Variants in RIC3 observed in about 807,000 individuals in gnomAD.
RIC3 encodes RIC3 acetylcholine receptor chaperone, also known as protein RIC-3.
RIC3 carries 28 observed loss-of-function variants against 27.3 expected under a neutral mutation model. That is an observed-to-expected ratio of 1.02 (90% CI 0.76 to 1.41). The LOEUF is 1.41. Among genes scored for constraint, RIC3 ranks in the 40% most tolerant of loss-of-function variants. The pLI, the probability that RIC3 is intolerant of heterozygous loss-of-function variation, is 0.00. For synonymous variants in RIC3, 184 were observed against 160.4 expected (o/e 1.15, Z -1.11); for missense variants, 501 against 444.7 (o/e 1.13, Z -1.14).
chr11:8,098,032 C>T, the RIC3 span, among the ~76,000 whole-genome samples: 2 of 152,152 alleles, frequency 1.3e-5, no homozygotes, highest in African/African-American at 4.8e-5. Context: ...CACACCCGAC[C>T]CCAAGCTGTT....
Position 8,110,303 on chromosome 11 carries a change from T to C in RIC3, c.*395A>G, listed in dbSNP as rs551299506. The stretch of plus-strand genomic sequence containing the variant: ...TCTTGGAGTCTGAAATCTTCATTCT[T>C]GCAACCTTAAGTCCTCATCATCTGT... On this transcript the variant is annotated 3_prime_UTR_variant, in exon 6 of 6. Transcript: ENST00000309737. 32 of 326,574 alleles carry C rather than the reference T, an allele frequency of 9.8e-5. No homozygotes were observed. Among genetic ancestry groups the C allele is most frequent in the Non-Finnish European group, 1.8e-4 (30 of 168,926 alleles). 20.2% of individuals were successfully genotyped at this position (326,574 alleles called of 1,614,324 possible).
At chr11:8,111,377 G>A (rs1239025165) in intron 5 of RIC3, among the ~76,000 whole-genome samples, 1 of 152,184 alleles carries the variant, frequency 6.6e-6, no homozygotes, top group Admixed American at 6.5e-5. Flanking sequence ...CTTATGTGTA[G>A]GGTGCTTGGG....
At position 8,114,887 on chromosome 11, in the gene RIC3, T is replaced by C. The variant is rs552534527; in HGVS notation, c.671-3750A>G. On this transcript the variant is annotated intron_variant, in intron 5 of 5. Coordinates refer to ENST00000309737, the MANE Select transcript of RIC3 (RefSeq NM_001206671.4). ...CAGCAGAACTGATTGAGCAAAAGAA[T>C]GAACCTTTGAATCTAAAGACAGATT... Among the ~76,000 whole-genome samples, 22 of 152,098 alleles carry C rather than the reference T, an allele frequency of 1.4e-4. No homozygotes were observed. The South Asian group carries it at 4.4e-3, about 30-fold the overall frequency.
At chr11:8,123,995 C>T (rs1048491179) in intron 5 of RIC3, among the ~76,000 whole-genome samples, 5 of 149,988 alleles carry the variant, frequency 3.3e-5, no homozygotes, top group Non-Finnish European at 1.5e-5. Flanking sequence ...TGCTTGAGCC[C>T]AGGAGATCAA....
chr11:8,095,008 G>A, the RIC3 span, among the ~76,000 whole-genome samples: 1 of 152,266 alleles, frequency 6.6e-6, no homozygotes, highest in South Asian at 2.1e-4. Context: ...GGGAAGGCGA[G>A]TGTATGCCAA....
At chr11:8,100,983 T>C in the RIC3 span, 3 of 1,614,126 alleles carry the variant, frequency 1.9e-6, no homozygotes, top group Non-Finnish European at 2.5e-6. Context: ...TTCCAGATCA[T>C]CCATGGCAAT....
the RIC3 span, among the ~76,000 whole-genome samples, chr11:8,093,461 T>C: frequency 1.3e-5 from 2 of 152,166 alleles, no homozygotes; most frequent in Non-Finnish European, 2.9e-5. Context: ...TTTGAGCAGA[T>C]TGGGGTTCTG....
At chr11:8,103,573 TGA>T (rs769412245), downstream of RIC3, 2 of 152,660 alleles carry the variant, frequency 1.3e-5, no homozygotes, top group Admixed American at 1.3e-4. Context: ...TACATCTCTG[TGA>T]GAGACCCCCT....
At chr11:8,137,240 T>C in intron 4 of RIC3, 138 bp downstream of exon 4, 1 of 689,432 alleles carries the variant, frequency 1.5e-6, no homozygotes, top group South Asian at 1.8e-5. Context: ...GTCAGGATGG[T>C]CTCAAACTCC....
chr11:8,155,046 T>G (rs1287890640), intron 1 of RIC3, among the ~76,000 whole-genome samples: 4 of 151,692 alleles, frequency 2.6e-5, no homozygotes, highest in Non-Finnish European at 5.9e-5. Context: ...TGGCAAGACC[T>G]CCTCTCTACG....
chr11:8,096,856 CG>C, the RIC3 span: 1 of 1,594,904 alleles, frequency 6.3e-7, no homozygotes, highest in East Asian at 2.2e-5. Context: ...ACTGCTCATC[CG>C]TTAGAGGTGG....
intron 5 of RIC3, among the ~76,000 whole-genome samples, chr11:8,125,503 T>C (rs758965485): frequency 4.6e-5 from 7 of 152,154 alleles, no homozygotes; most frequent in Non-Finnish European, 7.3e-5. Context: ...TTCAAAGATA[T>C]GCAGATGGCA....
At chr11:8,155,394 G>A (rs751216467) in intron 1 of RIC3, among the ~76,000 whole-genome samples, 3 of 152,036 alleles carry the variant, frequency 2.0e-5, no homozygotes, top group Admixed American at 6.6e-5. Context: ...TGGCCAACAC[G>A]GTGAAACTCC....
At chr11:8,104,303 C>T (rs1239839677), downstream of RIC3, 1 of 152,104 alleles carries the variant, frequency 6.6e-6, no homozygotes, top group African/African-American at 2.4e-5. Flanking sequence ...GGGGCCACAC[C>T]CCAAAACTCT....
downstream of RIC3, chr11:8,103,131 G>A (rs17847554): frequency 0.035 from 5,268 of 152,318 alleles, 111 homozygotes; most frequent in South Asian, 0.071. Flanking sequence ...TACGGCTGCT[G>A]CACACTTCTC....
intron 4 of RIC3, chr11:8,135,612 T>C (rs1258607072): frequency 6.6e-6 from 1 of 152,224 alleles, no homozygotes; most frequent in Non-Finnish European, 1.5e-5. Context: ...TTCCTATCCA[T>C]GAGCATGGAA....
At chr11:8,155,111 C>G (rs141627930) in intron 1 of RIC3, among the ~76,000 whole-genome samples, 2,563 of 151,298 alleles carry the variant, frequency 0.017, 76 homozygotes, top group African/African-American at 0.059. Context: ...GTCCCAGCTA[C>G]TCAGGAGGCT....
chr11:8,148,170 T>C (rs1949901599), intron 1 of RIC3, among the ~76,000 whole-genome samples: 1 of 152,202 alleles, frequency 6.6e-6, no homozygotes, highest in African/African-American at 2.4e-5. Flanking sequence ...CCTTTTCCTC[T>C]CAGTATTGAC....
At chr11:8,162,846 G>A (rs1003350233) in intron 1 of RIC3, among the ~76,000 whole-genome samples, 12 of 151,400 alleles carry the variant, frequency 7.9e-5, no homozygotes, top group Non-Finnish European at 1.3e-4. Flanking sequence ...GGGTTTCTCC[G>A]TGTTGGCCAG....
Sources: gnomAD v4.1 joint callset for allele counts (sites outside exome capture counted in the v4.1 genomes callset) on GRCh38, gnomAD v4.1.1 for gene constraint, MANE v1.5 for transcripts, NCBI Gene and HGNC (gene_info 2026-07-23, HGNC 2026-07-21) for gene names.